Variants in RPL27A observed in about 807,000 individuals in gnomAD.
RPL27A encodes ribosomal protein L27a.
For synonymous variants in RPL27A, 69 were observed against 68.3 expected, an observed-to-expected ratio of 1.01 and a Z score of -0.05; for missense variants, 118 against 189.4, an observed-to-expected ratio of 0.62 and a Z score of 2.21.
At chr11:8,682,872 A>G (rs1309826776) in intron 1 of RPL27A, 56 bp downstream of exon 1, 1 of 1,574,818 alleles carries the variant, frequency 6.3e-7, no homozygotes, top group African/African-American at 1.4e-5. Flanking sequence ...CCTAAGCTGT[A>G]TTCCCATTGC....
rs2039589803 is a variant in RPL27A at position 8,686,642 on chromosome 11, TG to T, written c.*837del. 1 of 152,214 alleles carries T rather than the reference TG, an allele frequency of 6.6e-6. No homozygotes were observed. The highest frequency in any genetic ancestry group is 1.5e-5 in the Non-Finnish European group (1 of 68,034). The allele number at this position is 152,214 out of a possible 1,614,324, so 9.4% of individuals were successfully genotyped here. The stretch of plus-strand genomic sequence containing the variant: ...TTCAGTATGCCAGGGCTTTTCTGTA[TG>T]TCAAAGTGGGTTTGAAATAGTTAAT... On this transcript the variant is annotated 3_prime_UTR_variant, in exon 5 of 5. Transcript: ENST00000314138.
chr11:8,682,992 T>G (rs1038079752), intron 1 of RPL27A, 176 bp downstream of exon 1: 3 of 937,354 alleles, frequency 3.2e-6, no homozygotes, highest in Non-Finnish European at 4.8e-6. Flanking sequence ...AGCCGTGTGT[T>G]AGGCCCGCGG....
intron 3 of RPL27A, chr11:8,684,332 G>A (rs1302729724): frequency 1.3e-6 from 1 of 740,804 alleles, no homozygotes. Context: ...TTATGGCACA[G>A]TCAGTCACCA....
chr11:8,685,507 C>A (rs761491811), intron 4 of RPL27A, 171 bp from the exon 5 acceptor site: 4 of 766,502 alleles, frequency 5.2e-6, no homozygotes, highest in Admixed American at 5.1e-5. Context: ...AGAGAATCTA[C>A]TGGTCTTGAT....
chr11:8,685,368 T>C (rs1413637096), intron 4 of RPL27A: 1 of 578,810 alleles, frequency 1.7e-6, no homozygotes, highest in Non-Finnish European at 3.3e-6. Context: ...TGAGTAGTTC[T>C]GGTGGTCAGG....
At position 8,684,838 on chromosome 11, in the gene RPL27A, G is replaced by T; in HGVS notation, c.264G>T (p.Val88=). ...CTTTGGTCAGTGAACAGACACGGGTGAATGCTGCTAAAAACAAGACTGGGG... is the reference window on the plus strand; with the variant it reads ...CTTTGGTCAGTGAACAGACACGGGTTAATGCTGCTAAAAACAAGACTGGGG... ...LWTLVSEQTR[V]NAAKNKTGAA... Residue 88 remains valine, a synonymous_variant, in exon 4 of 5, where the codon GTG becomes GTT. Transcript: ENST00000314138. The T allele has an allele frequency of 6.2e-7, 1 of 1,614,032 alleles. No individual in the cohort carries two copies. The highest frequency in any genetic ancestry group is 1.3e-5 in the African/African-American group (1 of 75,052).
At chr11:8,685,543 C>T (rs529399062) in intron 4 of RPL27A, 135 bp from the exon 5 acceptor site, 1 of 963,386 alleles carries the variant, frequency 1.0e-6, no homozygotes, top group South Asian at 1.3e-5. Flanking sequence ...GTCGGTGCCC[C>T]CGTTAGTGCC....
intron 3 of RPL27A, 70 bp downstream of exon 3, chr11:8,684,151 C>A: frequency 7.6e-7 from 1 of 1,322,622 alleles, no homozygotes; most frequent in Non-Finnish European, 1.1e-6. Context: ...CTGGCTTAAA[C>A]AAAAAGTTTA....
At chr11:8,683,319 C>T (rs2039527699) in intron 2 of RPL27A, 54 bp downstream of exon 2, 2 of 1,499,646 alleles carry the variant, frequency 1.3e-6, no homozygotes, top group Admixed American at 1.7e-5. Context: ...GGGTGCTTAG[C>T]TAGTCTGGAG....
Position 8,685,977 on chromosome 11 carries a change from G to C in RPL27A, c.*171G>C. The C allele has an allele frequency of 6.5e-6, 4 of 613,602 alleles. No homozygotes were observed. The highest frequency in any genetic ancestry group is 1.1e-5 in the Non-Finnish European group (4 of 350,612). 38.0% of individuals were successfully genotyped at this position (613,602 alleles called of 1,614,324 possible). On this transcript the variant is annotated 3_prime_UTR_variant, in exon 5 of 5. Transcript: ENST00000314138. ...GACTTCCCTCAAATATATGGTAAAC[G>C]TAAGACCAACACAGACGTTGGCCAG...
rs368363034 is a variant in RPL27A, at chr11:8,682,802, T to C, written c.-12T>C. 6.2e-7 allele frequency: 1 copy of C among 1,613,424 alleles called. No homozygotes were observed. Among genetic ancestry groups the C allele is most frequent in the Non-Finnish European group, 8.5e-7 (1 of 1,179,648 alleles). ...TTGGCGAAGGCCTTCCTTTTTCGTC[T>C]GGGCTGCCAACATGGTAGGTGTTTC... On this transcript the variant is annotated 5_prime_UTR_variant, in exon 1 of 5. Transcript: ENST00000314138.
Position 8,686,009 on chromosome 11 carries a change from A to G in RPL27A, c.*203A>G, listed in dbSNP as rs2039584108. ...CAACACAGACGTTGGCCAGTTAAACATTTCTGTTTATAAAGTCAGAATAAT... is the reference window on the plus strand; with the variant it reads ...CAACACAGACGTTGGCCAGTTAAACGTTTCTGTTTATAAAGTCAGAATAAT... On this transcript the variant is annotated 3_prime_UTR_variant, in exon 5 of 5. Coordinates refer to ENST00000314138, the MANE Select transcript of RPL27A (RefSeq NM_000990.5). 3 of 555,788 alleles carry G rather than the reference A, an allele frequency of 5.4e-6. No individual in the cohort carries two copies. The highest frequency in any genetic ancestry group is 6.4e-6 in the Non-Finnish European group (2 of 311,264). 34.4% of individuals were successfully genotyped at this position (555,788 alleles called of 1,614,324 possible).
intron 3 of RPL27A, 25 bp downstream of exon 3, chr11:8,684,106 T>C (rs1376181028): frequency 1.3e-6 from 2 of 1,591,516 alleles, no homozygotes; most frequent in South Asian, 2.2e-5. Context: ...ACTGCTTTTA[T>C]TGACACAGCT....
chr11:8,682,940 C>T, intron 1 of RPL27A, 124 bp downstream of exon 1: 1 of 1,323,676 alleles, frequency 7.6e-7, no homozygotes, highest in Non-Finnish European at 1.0e-6. Flanking sequence ...TGGCCGCCTG[C>T]GGGGCAGGGT....
chr11:8,683,330 A>C (rs1296940162), intron 2 of RPL27A, 65 bp downstream of exon 2: 9 of 1,406,926 alleles, frequency 6.4e-6, no homozygotes, highest in Non-Finnish European at 9.1e-6. Context: ...TAGTCTGGAG[A>C]TCGGTAGCCT....
At chr11:8,685,577 G>A (rs1262549242) in intron 4 of RPL27A, 101 bp from the exon 5 acceptor site, 1 of 1,330,568 alleles carries the variant, frequency 7.5e-7, no homozygotes, top group Non-Finnish European at 1.1e-6. Context: ...TACATACCCT[G>A]CCTAGGGATT....
In RPL27A at chr11:8,689,298, TAA is replaced by T. The variant is rs2039616719; in HGVS notation, c.*3495_*3496del. On this transcript the variant is annotated 3_prime_UTR_variant, in exon 5 of 5. Transcript: ENST00000314138. ...ACCTCCAGAATTTGTCTCAATTGTC[TAA>T]AAGGTAATGAGCGTCAGCGACATTC... 6.6e-6 allele frequency: 1 copy of T among 152,204 alleles called. No individual in the cohort carries two copies. The highest frequency in any genetic ancestry group is 2.4e-5 in the African/African-American group (1 of 41,442). 9.4% of individuals were successfully genotyped at this position (152,204 alleles called of 1,614,324 possible).
At position 8,685,573 on chromosome 11, in the gene RPL27A, C is replaced by T. The variant is rs146879937; in HGVS notation, c.319-105C>T. ...AGTGCCCAGATCAGAAACATACATA[C>T]CCTGCCTAGGGATTTAGAAAGTGGG... On this transcript the variant is annotated intron_variant, in intron 4 of 4. Coordinates refer to ENST00000314138, the MANE Select transcript of RPL27A (RefSeq NM_000990.5). The T allele has an allele frequency of 8.5e-6, 11 of 1,296,536 alleles. No homozygotes were observed. The East Asian group carries it at 2.3e-4, about 27-fold the overall frequency. The allele number at this position is 1,296,536 out of a possible 1,614,324, so 80.3% of individuals were successfully genotyped here. A position where few individuals can be genotyped will look rare whatever the true frequency, so the allele number is the denominator to read the frequency against.
chr11:8,683,172 A>C, intron 1 of RPL27A, 30 bp from the exon 2 acceptor site: 1 of 1,611,184 alleles, frequency 6.2e-7, no homozygotes, highest in Non-Finnish European at 8.5e-7. Flanking sequence ...CTAATTCCTT[A>C]GGCCTTACCA....
Sources: gnomAD v4.1 joint callset for allele counts on GRCh38, gnomAD v4.1.1 for gene constraint, MANE v1.5 for transcripts, NCBI Gene and HGNC (gene_info 2026-07-23, HGNC 2026-07-21) for gene names.